Variants in ST6GALNAC3 observed in about 807,000 individuals in gnomAD.
ST6GALNAC3 encodes the protein alpha-N-acetylgalactosaminide alpha-2,6-sialyltransferase 3.
A neutral mutation model predicts 32.7 loss-of-function variants in ST6GALNAC3; 25 were observed. The observed-to-expected ratio is 0.76, with a 90% confidence interval of 0.56 to 1.07. ST6GALNAC3 has a LOEUF of 1.07. Among genes scored for constraint, ST6GALNAC3 ranks in the 50% least tolerant of loss-of-function variants. The pLI is 0.00. For missense variants in ST6GALNAC3, 355 were observed against 382.4 expected, an observed-to-expected ratio of 0.93 and a Z score of 0.60; for synonymous variants, 129 against 133.1, an observed-to-expected ratio of 0.97 and a Z score of 0.21.
intron 3 of ST6GALNAC3, among the ~76,000 whole-genome samples, chr1:76,590,723 T>C (rs1647034308): frequency 6.6e-6 from 1 of 152,228 alleles, no homozygotes; most frequent in Non-Finnish European, 1.5e-5. Context: ...TTCTCTGTGA[T>C]ACAGGAAACC....
chr1:76,621,178 C>T lies in ST6GALNAC3; in HGVS notation c.624-6274C>T, dbSNP rs146915641. 2.5e-3 allele frequency among the ~76,000 whole-genome samples: 375 copies of T among 151,984 alleles called. 2 individuals are homozygous for T. Among genetic ancestry groups the T allele is most frequent in the African/African-American group, 8.5e-3 (354 of 41,480 alleles). ...CAGTCAAAGGGTCCTGATGATTCTC[C>T]GGCAGAAAAACTATTTGTTATATTC... On this transcript the variant is annotated intron_variant, in intron 3 of 4. Coordinates refer to ENST00000328299, the MANE Select transcript of ST6GALNAC3 (RefSeq NM_152996.4).
At chr1:76,362,890 A>G (rs990548975) in intron 2 of ST6GALNAC3, among the ~76,000 whole-genome samples, 2 of 152,152 alleles carry the variant, frequency 1.3e-5, no homozygotes, top group African/African-American at 2.4e-5. Context: ...GCAGGGTGCA[A>G]GCTGTCAGTA....
At chr1:76,374,465 G>C (rs1450425738) in intron 2 of ST6GALNAC3, among the ~76,000 whole-genome samples, 1 of 152,182 alleles carries the variant, frequency 6.6e-6, no homozygotes, top group Non-Finnish European at 1.5e-5. Context: ...CCAAAGAAAA[G>C]CTGCATCGCC....
At chr1:76,317,997 C>T (rs1003672967) in intron 2 of ST6GALNAC3, among the ~76,000 whole-genome samples, 2 of 152,054 alleles carry the variant, frequency 1.3e-5, no homozygotes, top group Non-Finnish European at 2.9e-5. Context: ...TGACAGCCTG[C>T]CCTGAAGGCC....
At chr1:76,483,307 T>G (rs181557270) in intron 3 of ST6GALNAC3, among the ~76,000 whole-genome samples, 175 of 152,322 alleles carry the variant, frequency 1.1e-3, no homozygotes, top group African/African-American at 4.0e-3. Flanking sequence ...CATACTGTCT[T>G]CCACAATGGT....
At chr1:76,270,155 T>G (rs901990555) in intron 1 of ST6GALNAC3, among the ~76,000 whole-genome samples, 2 of 152,196 alleles carry the variant, frequency 1.3e-5, no homozygotes, top group South Asian at 4.1e-4. Context: ...ATTAATGTAC[T>G]TTTTTACTCT....
intron 3 of ST6GALNAC3, among the ~76,000 whole-genome samples, chr1:76,414,369 C>A (rs1654472190): frequency 1.3e-5 from 2 of 152,018 alleles, no homozygotes; most frequent in African/African-American, 4.8e-5. Context: ...CAAGAGAAGA[C>A]AACTATGCTA....
chr1:76,442,906 G>A (rs573377887), intron 3 of ST6GALNAC3, among the ~76,000 whole-genome samples: 3 of 152,266 alleles, frequency 2.0e-5, no homozygotes, highest in South Asian at 2.1e-4. Flanking sequence ...TTTCTCACAC[G>A]TAGGACTGAT....
At chr1:76,343,982 G>A (rs1648281138) in intron 2 of ST6GALNAC3, among the ~76,000 whole-genome samples, 1 of 152,212 alleles carries the variant, frequency 6.6e-6, no homozygotes, top group South Asian at 2.1e-4. Context: ...GCAAAGGATT[G>A]GACAAGGGGC....
intron 1 of ST6GALNAC3, among the ~76,000 whole-genome samples, chr1:76,175,445 C>T (rs1389185616): frequency 6.6e-6 from 1 of 151,656 alleles, no homozygotes; most frequent in Non-Finnish European, 1.5e-5. Flanking sequence ...TACCAGAGAA[C>T]ATGAAATCTT....
Position 76,417,225 on chromosome 1 carries a change from C to CTTTT in ST6GALNAC3, c.623+4818_623+4821dup, listed in dbSNP as rs548202073. On this transcript the variant is annotated intron_variant, in intron 3 of 4. Coordinates refer to ENST00000328299, the MANE Select transcript of ST6GALNAC3 (RefSeq NM_152996.4). ...CCAGTTGTTTTTTTTTTCTTTCTTT[C>CTTTT]TTTTTTTTTTTTTAATTCTAGGTTC... is the stretch of plus-strand genomic sequence containing the variant. Among the ~76,000 whole-genome samples the CTTTT allele has an allele frequency of 5.2e-4, 67 of 128,034 alleles. 1 individual carries two copies. Among genetic ancestry groups the CTTTT allele is most frequent in the African/African-American group, 1.9e-3 (67 of 35,452 alleles). The allele number at this position is 128,034 out of a possible 152,430, so 84.0% of individuals were successfully genotyped here. A position where few individuals can be genotyped will look rare whatever the true frequency, so the allele number is the denominator to read the frequency against.
At chr1:76,233,351 A>G (rs12128567) in intron 1 of ST6GALNAC3, among the ~76,000 whole-genome samples, 1 of 152,160 alleles carries the variant, frequency 6.6e-6, no homozygotes, top group South Asian at 2.1e-4. Context: ...ATTATAAAAA[A>G]CTTTACAAGT....
chr1:76,459,953 T>C, intron 3 of ST6GALNAC3, among the ~76,000 whole-genome samples: 1 of 152,214 alleles, frequency 6.6e-6, no homozygotes, highest in East Asian at 1.9e-4. Flanking sequence ...TGCATATTCT[T>C]GTACAGGTGT....
intron 1 of ST6GALNAC3, among the ~76,000 whole-genome samples, chr1:76,177,382 A>G (rs1177167808): frequency 6.6e-6 from 1 of 152,186 alleles, no homozygotes; most frequent in East Asian, 1.9e-4. Context: ...TTCCTGTGAT[A>G]TGCATTTTCT....
intron 2 of ST6GALNAC3, among the ~76,000 whole-genome samples, chr1:76,393,075 A>T (rs376467762): frequency 6.6e-6 from 1 of 152,210 alleles, no homozygotes; most frequent in African/African-American, 2.4e-5. Context: ...AGAACTACAA[A>T]TAACGCTTTG....
chr1:76,268,048 T>C (rs883352), intron 1 of ST6GALNAC3, among the ~76,000 whole-genome samples: 28,926 of 152,200 alleles, frequency 0.19, 3,468 homozygotes, highest in Non-Finnish European at 0.27. Context: ...TCTCCATTTA[T>C]GTAGGGAAGA....
At chr1:76,464,572 G>C (rs1180633265) in intron 3 of ST6GALNAC3, among the ~76,000 whole-genome samples, 2 of 152,192 alleles carry the variant, frequency 1.3e-5, no homozygotes, top group Non-Finnish European at 2.9e-5. Flanking sequence ...CCTATTTTAA[G>C]TGTTGCCATC....
chr1:76,453,455 C>T (rs551811278), intron 3 of ST6GALNAC3, among the ~76,000 whole-genome samples: 3 of 152,026 alleles, frequency 2.0e-5, no homozygotes, highest in Admixed American at 6.5e-5. Flanking sequence ...TGCTGTATCC[C>T]AGAGGTTTTG....
chr1:76,162,980 TGAA>T (rs1374572900), intron 1 of ST6GALNAC3, among the ~76,000 whole-genome samples: 1 of 152,198 alleles, frequency 6.6e-6, no homozygotes, highest in East Asian at 1.9e-4. Context: ...CGCTCTGTTT[TGAA>T]GAGCTGAGAA....
Sources: allele counts gnomAD v4.1 joint callset (sites outside exome capture counted in the v4.1 genomes callset), GRCh38; gene constraint gnomAD v4.1.1; transcripts MANE v1.5; gene names NCBI Gene and HGNC (gene_info 2026-07-23, HGNC 2026-07-21).